HECW1: variants seen among roughly 807,000 people sequenced by gnomAD.
The protein encoded by HECW1 is HECT, C2 and WW domain containing E3 ubiquitin protein ligase 1.
Under a neutral mutation model 182.3 loss-of-function variants are expected in HECW1, and 61 were observed. The observed-to-expected ratio is 0.33, with a 90% confidence interval of 0.27 to 0.41. The LOEUF (loss-of-function observed/expected upper bound fraction) is 0.41, where lower values mean the gene tolerates loss of function less well. Ranked by LOEUF, HECW1 falls within the 10% of genes least tolerant of loss-of-function variation. The pLI, the probability that HECW1 is intolerant of heterozygous loss-of-function variation, is 1.00. For synonymous variants in HECW1, 859 were observed against 832.6 expected (o/e 1.03, Z -0.55); for missense variants, 1,739 against 2,108.9 (o/e 0.82, Z 3.44).
At chr7:43,340,500 T>A (rs1304223357) in intron 5 of HECW1, among the ~76,000 whole-genome samples, 1 of 151,230 alleles carries the variant, frequency 6.6e-6, no homozygotes, top group Non-Finnish European at 1.5e-5. Flanking sequence ...GGATTACAGG[T>A]GTGAGCCACT....
At chr7:43,234,028 G>A (rs1434166269) in intron 2 of HECW1, among the ~76,000 whole-genome samples, 1 of 152,250 alleles carries the variant, frequency 6.6e-6, no homozygotes, top group Non-Finnish European at 1.5e-5. Context: ...GGAGCAGCCA[G>A]CTTCTCTCCA....
At chr7:43,417,776 T>C (rs1191619106) in intron 8 of HECW1, among the ~76,000 whole-genome samples, 1 of 152,186 alleles carries the variant, frequency 6.6e-6, no homozygotes, top group Admixed American at 6.5e-5. Context: ...ATTTAAATCA[T>C]TGTTGCTTTC....
intron 13 of HECW1, among the ~76,000 whole-genome samples, chr7:43,462,115 C>T (rs1447414912): frequency 6.6e-6 from 1 of 152,190 alleles, no homozygotes; most frequent in East Asian, 1.9e-4. Context: ...ATCTGTGCAG[C>T]GAGCATCCCC....
intron 12 of HECW1, among the ~76,000 whole-genome samples, chr7:43,455,335 T>A (rs1249634246): frequency 6.6e-6 from 1 of 152,196 alleles, no homozygotes; most frequent in African/African-American, 2.4e-5. Context: ...TTTGAAACCC[T>A]AACAATCATT....
At chr7:43,496,438 C>A (rs2079126219) in intron 19 of HECW1, among the ~76,000 whole-genome samples, 1 of 152,004 alleles carries the variant, frequency 6.6e-6, no homozygotes, top group Admixed American at 6.6e-5. Flanking sequence ...CAGCAGAAAG[C>A]AAAGAGCAAG....
In HECW1 at chr7:43,479,737, C is replaced by T. The variant is rs746260056; in HGVS notation, c.3227C>T (p.Ala1076Val). 4.3e-6 allele frequency: 7 copies of T among 1,614,002 alleles called. No individual in the cohort carries two copies. In the Admixed American group the frequency reaches 1.0e-4, roughly 23 times the overall value. The change falls in exon 17 of 30, where the codon GCT becomes GTT. Residue 1076 changes from alanine to valine, a missense_variant. Physicochemically the swap from Ala to Val is moderately conservative, Grantham distance 64. Coordinates refer to ENST00000395891, the MANE Select transcript of HECW1 (RefSeq NM_015052.5). ...CTCCAGAGGCTCCGAAGTTACAGCG[C>T]TGGAGAGGTAACCCTCCCTACACCC... ...QHLQRLRSYS[A>V]GEASEVSRNR...
intron 5 of HECW1, among the ~76,000 whole-genome samples, chr7:43,352,341 C>A (rs1814573562): frequency 6.6e-6 from 1 of 152,036 alleles, no homozygotes; most frequent in Non-Finnish European, 1.5e-5. Context: ...AAAATTCATT[C>A]TTTGTTTATC....
At chr7:43,262,236 A>G (rs553457891) in intron 3 of HECW1, among the ~76,000 whole-genome samples, 6 of 117,908 alleles carry the variant, frequency 5.1e-5, no homozygotes, top group Admixed American at 8.3e-5. Flanking sequence ...ATATATATAT[A>G]TGTATGTGTG....
chr7:43,494,979 A>G (rs118088005), intron 19 of HECW1, among the ~76,000 whole-genome samples: 2 of 152,144 alleles, frequency 1.3e-5, no homozygotes, highest in African/African-American at 4.8e-5. Flanking sequence ...TATTAAGGAC[A>G]TCTCATCCCG....
intron 2 of HECW1, among the ~76,000 whole-genome samples, chr7:43,121,089 T>A (rs535347358): frequency 6.6e-6 from 1 of 152,290 alleles, no homozygotes; most frequent in African/African-American, 2.4e-5. Flanking sequence ...GGTTCTTCCT[T>A]CCTGCCTGGA....
rs2077410155 is a variant in HECW1 at position 43,456,542 on chromosome 7, A to G, written c.2651+95A>G. 12 of 1,143,926 alleles carry G rather than the reference A, an allele frequency of 1.0e-5. 1 individual carries two copies. The South Asian group carries it at 2.5e-4, about 24-fold the overall frequency. 70.9% of individuals were successfully genotyped at this position (1,143,926 alleles called of 1,614,324 possible). A position where few individuals can be genotyped will look rare whatever the true frequency, so the allele number is the denominator to read the frequency against. ...CCTTACACTTTTCTGCTCAGACTGT[A>G]TGAGGAGACTGGAAAGTAATTAAGT... On this transcript the variant is annotated intron_variant, in intron 13 of 29. Coordinates refer to ENST00000395891, the MANE Select transcript of HECW1 (RefSeq NM_015052.5).
intron 2 of HECW1, among the ~76,000 whole-genome samples, chr7:43,128,805 T>C (rs572331091): frequency 6.6e-6 from 1 of 152,292 alleles, no homozygotes; most frequent in South Asian, 2.1e-4. Flanking sequence ...GGTCAGAATA[T>C]CAACATTAAC....
chr7:43,356,570 C>T lies in HECW1; in HGVS notation c.461-4316C>T, dbSNP rs184569784. Among the ~76,000 whole-genome samples, 172 of 152,282 alleles carry T rather than the reference C, an allele frequency of 1.1e-3. 1 individual carries two copies. The highest frequency in any genetic ancestry group is 2.3e-3 in the South Asian group (11 of 4,828). On this transcript the variant is annotated intron_variant, in intron 5 of 29. Transcript: ENST00000395891. ...TAACTGACATCTATAGAACATTTCA[C>T]TCAACTGCTGCAGAATACACATTTT...
intron 17 of HECW1, among the ~76,000 whole-genome samples, chr7:43,482,086 C>T (rs183813384): frequency 2.1e-4 from 32 of 152,138 alleles, no homozygotes; most frequent in African/African-American, 6.3e-4. Flanking sequence ...CCTGACTGTT[C>T]GTCACATTTC....
At chr7:43,445,610 C>A in intron 11 of HECW1, 40 bp downstream of exon 11, 1 of 1,492,156 alleles carries the variant, frequency 6.7e-7, no homozygotes, top group South Asian at 1.3e-5. Flanking sequence ...ATAGGACCAT[C>A]AGGGGGACAA....
chr7:43,289,475 CT>C lies in HECW1; in HGVS notation c.28-22285del, dbSNP rs753858406. On this transcript the variant is annotated intron_variant, in intron 3 of 29. Coordinates refer to ENST00000395891, the MANE Select transcript of HECW1 (RefSeq NM_015052.5). ...CCTTACAGGGGTTGGGTTCCAGACT[CT>C]TTATGAGACCTCCCTGATGTTCTTA... Among the ~76,000 whole-genome samples, 3 of 152,300 alleles carry C rather than the reference CT, an allele frequency of 2.0e-5. No homozygotes were observed. The South Asian group carries it at 6.2e-4, about 32-fold the overall frequency.
intron 19 of HECW1, among the ~76,000 whole-genome samples, chr7:43,496,167 T>C (rs552787146): frequency 2.0e-5 from 3 of 150,914 alleles, no homozygotes; most frequent in South Asian, 2.1e-4. Flanking sequence ...TCAGGCCACG[T>C]TGGAATTGGA....
intron 23 of HECW1, chr7:43,508,673 G>A: frequency 5.0e-6 from 2 of 398,870 alleles, no homozygotes; most frequent in South Asian, 7.5e-5. Context: ...TATTCAATGG[G>A]CCAGCTGTGT....
chr7:43,474,644 T>C (rs961658859), intron 16 of HECW1, among the ~76,000 whole-genome samples: 2 of 152,186 alleles, frequency 1.3e-5, no homozygotes, highest in African/African-American at 2.4e-5. Flanking sequence ...AAATGTGTTT[T>C]ATATCCATCA....
Sources: gnomAD v4.1 joint callset for allele counts (sites outside exome capture counted in the v4.1 genomes callset) on GRCh38, gnomAD v4.1.1 for gene constraint, MANE v1.5 for transcripts, NCBI Gene and HGNC (gene_info 2026-07-23, HGNC 2026-07-21) for gene names.